VPS41: variants seen among roughly 807,000 people sequenced by gnomAD.
The protein encoded by VPS41 is vacuolar protein sorting-associated protein 41 homolog.
VPS41 carries 85 observed loss-of-function variants against 130.9 expected under a neutral mutation model. That is an observed-to-expected ratio of 0.65 (90% confidence interval 0.55 to 0.78). The LOEUF (loss-of-function observed/expected upper bound fraction) is 0.78. Ranked by LOEUF, VPS41 falls within the 30% of genes least tolerant of loss-of-function variation. VPS41 has a pLI of 0.00. For synonymous variants in VPS41, 335 were observed against 332.9 expected, an observed-to-expected ratio of 1.01 and a Z score of -0.07; for missense variants, 874 against 1,018.7, an observed-to-expected ratio of 0.86 and a Z score of 1.93.
chr7:38,819,910 A>G (rs1283574958), intron 6 of VPS41, among the ~76,000 whole-genome samples: 1 of 152,180 alleles, frequency 6.6e-6, no homozygotes, highest in Non-Finnish European at 1.5e-5. Flanking sequence ...GTTTGTGTTT[A>G]AGGGCCAATC....
intron 4 of VPS41, among the ~76,000 whole-genome samples, chr7:38,839,154 T>C (rs75535169): frequency 0.019 from 2,839 of 152,306 alleles, 97 homozygotes; most frequent in African/African-American, 0.064. Context: ...TCATGCTCTT[T>C]AGTCACAGTT....
rs116170273 is a variant in VPS41 at position 38,752,393 on chromosome 7, A to C, written c.1789-80T>G. ...GGCTAACATTGCTATTTTTAGCTCT[A>C]AACACCTCCCATGGACAGGTTGGGG... On this transcript the variant is annotated intron_variant, in intron 21 of 28. Transcript: ENST00000310301. 1.2e-3 allele frequency: 1,830 copies of C among 1,552,480 alleles called. 17 individuals carry two copies. In the African/African-American group the frequency reaches 0.02, roughly 17 times the overall value.
intron 2 of VPS41, among the ~76,000 whole-genome samples, chr7:38,887,212 G>A (rs1044646455): frequency 4.6e-5 from 7 of 152,074 alleles, no homozygotes; most frequent in Admixed American, 3.3e-4. Context: ...TTCAAAGGCC[G>A]GTAATAACTA....
At chr7:38,836,158 C>A (rs911817106) in intron 4 of VPS41, among the ~76,000 whole-genome samples, 1 of 151,866 alleles carries the variant, frequency 6.6e-6, no homozygotes, top group Non-Finnish European at 1.5e-5. Flanking sequence ...TTATGTTTCC[C>A]CATTTCATTT....
chr7:38,766,494 T>C lies in VPS41; in HGVS notation c.1248-833A>G, dbSNP rs111506723. On this transcript the variant is annotated intron_variant, in intron 15 of 28. Transcript: ENST00000310301. ...TAGAAATGAGACGACACAAATAGTG[T>C]CTCCCTCCTGAGGAAAGGGAAGGTT... Among the ~76,000 whole-genome samples the C allele has an allele frequency of 2.7e-3, 407 of 152,238 alleles. 1 individual carries two copies. Among genetic ancestry groups the C allele is most frequent in the Non-Finnish European group, 4.9e-3 (331 of 67,992 alleles).
chr7:38,735,120 T>C (rs1398867652), intron 25 of VPS41, among the ~76,000 whole-genome samples: 1 of 152,216 alleles, frequency 6.6e-6, no homozygotes, highest in East Asian at 1.9e-4. Context: ...CAGCTGGTTG[T>C]CACAGGCCAC....
Position 38,735,881 on chromosome 7 carries a change from G to A in VPS41, c.2259+6104C>T, listed in dbSNP as rs193131878. 1.6e-4 allele frequency among the ~76,000 whole-genome samples: 24 copies of A among 152,266 alleles called. No homozygotes were observed. In the East Asian group the frequency reaches 3.7e-3, roughly 23 times the overall value. ...AGGGCTGTCCTGCTACCTAGCCCCGGCCAGGGTTCAATCCAAGGGGCAGTT... is the reference window on the plus strand; with the variant it reads ...AGGGCTGTCCTGCTACCTAGCCCCGACCAGGGTTCAATCCAAGGGGCAGTT... On this transcript the variant is annotated intron_variant, in intron 25 of 28. Coordinates refer to ENST00000310301, the MANE Select transcript of VPS41 (RefSeq NM_014396.4).
At chr7:38,751,908 GTTGA>G (rs1783682556) in intron 22 of VPS41, among the ~76,000 whole-genome samples, 2 of 152,178 alleles carry the variant, frequency 1.3e-5, no homozygotes, top group African/African-American at 4.8e-5. Flanking sequence ...TTGCCTGATG[GTTGA>G]TTAAGTCCTA....
At chr7:38,835,780 A>G (rs1461904375) in intron 4 of VPS41, among the ~76,000 whole-genome samples, 2 of 151,682 alleles carry the variant, frequency 1.3e-5, no homozygotes, top group Non-Finnish European at 3.0e-5. Flanking sequence ...CTCCAATTGT[A>G]GTTTTGTTCA....
At chr7:38,867,497 A>G (rs6960585) in intron 3 of VPS41, among the ~76,000 whole-genome samples, 39,012 of 151,670 alleles carry the variant, frequency 0.26, 6,409 homozygotes, top group Non-Finnish European at 0.38. Flanking sequence ...GTGAGCCCAG[A>G]TTGCGCCATT....
intron 4 of VPS41, among the ~76,000 whole-genome samples, chr7:38,856,479 A>G (rs961023841): frequency 1.3e-5 from 2 of 152,210 alleles, no homozygotes; most frequent in Admixed American, 1.3e-4. Flanking sequence ...AATACACAGG[A>G]GAACAGAGAA....
intron 2 of VPS41, among the ~76,000 whole-genome samples, chr7:38,873,825 T>C (rs548196809): frequency 7.9e-5 from 12 of 152,294 alleles, no homozygotes; most frequent in Admixed American, 7.8e-4. Flanking sequence ...TGAAAATAAA[T>C]GTCACATCAT....
intron 14 of VPS41, among the ~76,000 whole-genome samples, chr7:38,770,197 A>C (rs537510827): frequency 6.6e-6 from 1 of 151,008 alleles, no homozygotes; most frequent in East Asian, 2.0e-4. Context: ...TGAACCCAGG[A>C]GGCAGAGGTT....
intron 4 of VPS41, among the ~76,000 whole-genome samples, chr7:38,837,857 T>G (rs1785528811): frequency 6.6e-6 from 1 of 152,196 alleles, no homozygotes; most frequent in Non-Finnish European, 1.5e-5. Flanking sequence ...CTTTACTAGA[T>G]TTCTACAAAA....
At chr7:38,894,698 T>A (rs1429297284) in intron 2 of VPS41, among the ~76,000 whole-genome samples, 1 of 151,866 alleles carries the variant, frequency 6.6e-6, no homozygotes. Context: ...ATACAGGAGG[T>A]AAGTGCTATG....
intron 3 of VPS41, among the ~76,000 whole-genome samples, chr7:38,863,037 T>C (rs546531411): frequency 7.9e-5 from 12 of 152,320 alleles, no homozygotes; most frequent in African/African-American, 2.9e-4. Context: ...TCGCTTAAGC[T>C]GCACACATAC....
intron 25 of VPS41, among the ~76,000 whole-genome samples, chr7:38,729,997 G>A (rs1176383687): frequency 5.3e-5 from 8 of 152,104 alleles, no homozygotes; most frequent in Admixed American, 1.3e-4. Flanking sequence ...GGACAGAGAC[G>A]CTCTGGGGCT....
chr7:38,814,378 G>T (rs78508701), intron 7 of VPS41, among the ~76,000 whole-genome samples: 1 of 152,214 alleles, frequency 6.6e-6, no homozygotes, highest in Non-Finnish European at 1.5e-5. Flanking sequence ...CAGGCCGGGC[G>T]TGGTGGCTCA....
At chr7:38,735,722 T>C (rs1161714404) in intron 25 of VPS41, among the ~76,000 whole-genome samples, 1 of 152,206 alleles carries the variant, frequency 6.6e-6, no homozygotes, top group Non-Finnish European at 1.5e-5. Flanking sequence ...GAGGTACTCA[T>C]GTATCTGAAT....
Sources: gnomAD v4.1 joint callset for allele counts (sites outside exome capture counted in the v4.1 genomes callset) on GRCh38, gnomAD v4.1.1 for gene constraint, MANE v1.5 for transcripts, NCBI Gene and HGNC (gene_info 2026-07-23, HGNC 2026-07-21) for gene names.